The following LAMB3 variants were observed in gnomAD, a reference collection of about 807,000 sequenced individuals.
LAMB3 encodes the protein laminin subunit beta 3, also known as laminin subunit beta-3.
LAMB3 carries 104 observed loss-of-function variants against 140.3 expected under a neutral mutation model. That is an observed-to-expected ratio of 0.74 (90% CI 0.63 to 0.87). The LOEUF (loss-of-function observed/expected upper bound fraction) is 0.87. Ranked by LOEUF, LAMB3 falls within the 40% of genes least tolerant of loss-of-function variation. The pLI is 0.00. For missense variants in LAMB3, 1,531 were observed against 1,575.2 expected (o/e 0.97, Z 0.47); for synonymous variants, 592 against 602.9 (o/e 0.98, Z 0.26).
intron 10 of LAMB3, among the ~76,000 whole-genome samples, chr1:209,629,405 T>A (rs573591949): frequency 2.0e-5 from 3 of 152,320 alleles, no homozygotes; most frequent in South Asian, 4.1e-4. Flanking sequence ...GGTGCTTTCA[T>A]CCCTCTTCTG....
In LAMB3 at chr1:209,616,514, C is replaced by T. The variant is rs772773344; in HGVS notation, c.3339G>A (p.Glu1113=). The T allele has an allele frequency of 5.6e-6, 9 of 1,614,108 alleles. No homozygotes were observed. In the Admixed American group the frequency reaches 1.3e-4, roughly 24 times the overall value. ...ARIQSVKTEA[E]ELFGETMEMM... is the part of the protein sequence containing the mutation. ...TCTCCATGGTCTCCCCAAACAGCTC[C>T]TCTGCCTCTGTCTTCACACTCTGGA... Residue 1113 remains glutamate (E), a synonymous_variant, in exon 22 of 23, where the codon GAG becomes GAA. Transcript: ENST00000356082.
In LAMB3 at chr1:209,617,984, C is replaced by T. The variant is rs759531138; in HGVS notation, c.2974G>A (p.Val992Met). Residue 992 changes from valine to methionine, a missense_variant, in exon 20 of 23, where the codon GTG (valine) becomes ATG (methionine). Coordinates refer to ENST00000356082, the MANE Select transcript of LAMB3 (RefSeq NM_000228.3). ...GTGTCCTGAGCTTCCTGCAGTGCCA[C>T]TGTCCCCTGCCGCAGGTTCCCAACC... ...DVVGNLRQGT[V>M]ALQEAQDTMQ... 1 of 1,614,206 alleles carries T rather than the reference C, an allele frequency of 6.2e-7. No individual in the cohort carries two copies. The highest frequency in any genetic ancestry group is 1.7e-5 in the Admixed American group (1 of 60,034).
chr1:209,638,978 A>G (rs2076436174), intron 3 of LAMB3, among the ~76,000 whole-genome samples: 1 of 116,122 alleles, frequency 8.6e-6, no homozygotes, highest in African/African-American at 4.1e-5. Flanking sequence ...CCGAGAAAAA[A>G]AAAAGGGGGG....
chr1:209,644,690 T>G (rs1241510732), intron 3 of LAMB3, among the ~76,000 whole-genome samples: 1 of 151,968 alleles, frequency 6.6e-6, no homozygotes, highest in Admixed American at 6.6e-5. Flanking sequence ...AATTTCAGAG[T>G]TGGTTTTCAG....
rs190287637 is a variant in LAMB3 at position 209,642,773 on chromosome 1, C to T, written c.184-4125G>A. ...AGATTACAGGTGTGAGCCACTTGCA[C>T]CCAGCTTGTTTAAATTTTTATACCT... On this transcript the variant is annotated intron_variant, in intron 3 of 22. Coordinates refer to ENST00000356082, the MANE Select transcript of LAMB3 (RefSeq NM_000228.3). Among the ~76,000 whole-genome samples the T allele has an allele frequency of 2.7e-3, 408 of 152,292 alleles. 1 individual carries two copies. The highest frequency in any genetic ancestry group is 9.4e-3 in the African/African-American group (392 of 41,542).
chr1:209,629,896 A>G lies in LAMB3; in HGVS notation c.973T>C (p.Cys325Arg), dbSNP rs1389314318. The G allele has an allele frequency of 6.2e-7, 1 of 1,614,190 alleles. No individual in the cohort carries two copies. The highest frequency in any genetic ancestry group is 1.1e-5 in the South Asian group (1 of 91,084). The change falls in exon 10 of 23, where the codon TGT (cysteine) becomes CGT (arginine). Residue 325 changes from cysteine (C) to arginine (R), a missense_variant. Physicochemically the swap from Cys to Arg is radical, Grantham distance 180 (BLOSUM62 -3). Transcript: ENST00000356082. Reference protein sequence around the residue: ...RCDCNGHSETCHFDPAVFAAS... With the variant: ...RCDCNGHSETRHFDPAVFAAS... Reference sequence around the variant, plus strand: ...GCAAACACAGCGGGGTCAAAGTGACATGTCTCTGAGTGCCCATTGCAGTCG... The same window carrying G: ...GCAAACACAGCGGGGTCAAAGTGACGTGTCTCTGAGTGCCCATTGCAGTCG...
intron 4 of LAMB3, among the ~76,000 whole-genome samples, 154 bp downstream of exon 4, chr1:209,638,380 C>T (rs888807604): frequency 2.6e-5 from 4 of 152,138 alleles, no homozygotes; most frequent in African/African-American, 9.7e-5. Flanking sequence ...CAACAGACCC[C>T]AAATATGAGG....
intron 3 of LAMB3, among the ~76,000 whole-genome samples, chr1:209,648,726 C>G (rs1571840553): frequency 6.6e-6 from 1 of 152,046 alleles, no homozygotes; most frequent in South Asian, 2.1e-4. Context: ...CCTTGCCTCC[C>G]CTCCCAAAAT....
At chr1:209,616,691 G>T in intron 21 of LAMB3, 67 bp from the exon 22 acceptor site, 1 of 1,493,950 alleles carries the variant, frequency 6.7e-7, no homozygotes, top group Non-Finnish European at 9.3e-7. Flanking sequence ...TGTGGCCAAA[G>T]CACTTGATAT....
chr1:209,637,946 T>C lies in LAMB3; in HGVS notation c.334A>G (p.Arg112Gly). The C allele has an allele frequency of 6.2e-7, 1 of 1,613,204 alleles. No individual in the cohort carries two copies. The highest frequency in any genetic ancestry group is 1.3e-5 in the African/African-American group (1 of 75,022). The stretch of plus-strand genomic sequence containing the variant: ...ATGACTTCTTGAAGCTGGAATCTCC[T>C]GTCCAGGTCCAGCTGCAGAGAGACA... ...NPVSLQLDLD[R>G]RFQLQEVMME... is the part of the protein sequence containing the mutation. The change falls in exon 5 of 23, where the codon AGG becomes GGG. Residue 112 changes from arginine (R) to glycine (G), a missense_variant. Arg to Gly is a moderately radical substitution (Grantham distance 125). Transcript: ENST00000356082.
At chr1:209,639,657 A>G (rs1348718457) in intron 3 of LAMB3, among the ~76,000 whole-genome samples, 1 of 152,050 alleles carries the variant, frequency 6.6e-6, no homozygotes, top group African/African-American at 2.4e-5. Flanking sequence ...ACGCGTGCAC[A>G]TGCGCACACG....
intron 1 of LAMB3, among the ~76,000 whole-genome samples, chr1:209,651,886 G>C (rs968736351): frequency 1.3e-5 from 2 of 151,740 alleles, no homozygotes; most frequent in Non-Finnish European, 2.9e-5. Flanking sequence ...GGCGGGGGGG[G>C]AAATTGAGGA....
Position 209,624,280 on chromosome 1 carries a change from G to A in LAMB3, c.1977-280C>T, listed in dbSNP as rs184700070. On this transcript the variant is annotated intron_variant, in intron 14 of 22. Coordinates refer to ENST00000356082, the MANE Select transcript of LAMB3 (RefSeq NM_000228.3). ...TTCTCCTCCCCCTCTTCCAGATCCT[G>A]GCTTCCATGAGGAGCAATGCCCTGA... 2.8e-3 allele frequency among the ~76,000 whole-genome samples: 419 copies of A among 152,266 alleles called. 2 individuals are homozygous for A. The highest frequency in any genetic ancestry group is 9.8e-3 in the African/African-American group (406 of 41,548).
At position 209,638,488 on chromosome 1, in the gene LAMB3, T is replaced by C. The variant is rs764205775; in HGVS notation, c.298+46A>G. 10 of 1,258,224 alleles carry C rather than the reference T, an allele frequency of 7.9e-6. No homozygotes were observed. The Admixed American group carries it at 1.7e-4, about 21-fold the overall frequency. 77.9% of individuals were successfully genotyped at this position (1,258,224 alleles called of 1,614,324 possible). A position where few individuals can be genotyped will look rare whatever the true frequency, so the allele number is the denominator to read the frequency against. On this transcript the variant is annotated intron_variant, in intron 4 of 22. Transcript: ENST00000356082. ...AGGGCACCTTCCATCCGTCTTATCC[T>C]GTGGAGGCTGTACAGTTTGAGTTCC...
intron 3 of LAMB3, among the ~76,000 whole-genome samples, chr1:209,649,714 C>G (rs550886349): frequency 2.6e-5 from 4 of 152,220 alleles, no homozygotes; most frequent in Non-Finnish European, 5.9e-5. Flanking sequence ...GAAAAGACTC[C>G]GTGTCATCTC....
At chr1:209,618,150 G>T in intron 19 of LAMB3, 102 bp from the exon 20 acceptor site, 1 of 1,454,046 alleles carries the variant, frequency 6.9e-7, no homozygotes, top group Non-Finnish European at 9.6e-7. Context: ...ACCCTTCCCA[G>T]CCAAGGCAAA....
intron 13 of LAMB3, 64 bp from the exon 14 acceptor site, chr1:209,626,090 G>C (rs1320064498): frequency 1.3e-6 from 2 of 1,545,034 alleles, no homozygotes. Flanking sequence ...CTGTCAGGGA[G>C]AGCCCTGAAG....
chr1:209,651,192 C>T (rs1320778337), intron 1 of LAMB3: 5 of 555,512 alleles, frequency 9.0e-6, no homozygotes, highest in Non-Finnish European at 1.6e-5. Flanking sequence ...TCACAGGGTG[C>T]CCTGGGAAAA....
At chr1:209,634,684 G>A in intron 5 of LAMB3, 46 bp from the exon 6 acceptor site, 5 of 1,497,122 alleles carry the variant, frequency 3.3e-6, no homozygotes, top group Non-Finnish European at 4.6e-6. Context: ...CTGGGGCTGT[G>A]CCCCGTGGAG....
Sources: gnomAD v4.1 joint callset for allele counts (sites outside exome capture counted in the v4.1 genomes callset) on GRCh38, gnomAD v4.1.1 for gene constraint, MANE v1.5 for transcripts, NCBI Gene and HGNC (gene_info 2026-07-23, HGNC 2026-07-21) for gene names.